RALYL: variants seen among roughly 807,000 people sequenced by gnomAD.
The protein encoded by RALYL is RALY RNA binding protein like, also known as RNA-binding Raly-like protein.
Under a neutral mutation model 35.1 loss-of-function variants are expected in RALYL, and 29 were observed. That is an observed-to-expected ratio of 0.83 (90% CI 0.61 to 1.13). The LOEUF is 1.13. Among genes scored for constraint, RALYL ranks in the 50% most tolerant of loss-of-function variants. The pLI is 0.00. For missense variants in RALYL, 359 were observed against 360.4 expected (o/e 1.00, Z 0.03); for synonymous variants, 120 against 127.6 (o/e 0.94, Z 0.40).
chr8:84,675,532 T>C (rs1564353335), intron 2 of RALYL, among the ~76,000 whole-genome samples: 1 of 152,318 alleles, frequency 6.6e-6, no homozygotes, highest in East Asian at 1.9e-4. Flanking sequence ...AACTGAATTA[T>C]AAAATGAAAT....
chr8:84,868,478 A>C (rs2217128), intron 6 of RALYL, among the ~76,000 whole-genome samples: 78,903 of 151,980 alleles, frequency 0.52, 21,892 homozygotes, highest in East Asian at 0.74. Context: ...GAGGCTGAAC[A>C]ACTATGCCCA....
intron 2 of RALYL, among the ~76,000 whole-genome samples, chr8:84,614,390 C>T (rs1818972558): frequency 6.6e-6 from 1 of 151,646 alleles, no homozygotes; most frequent in Non-Finnish European, 1.5e-5. Flanking sequence ...CTTGAGATTG[C>T]TTTTCAGAAT....
intron 1 of RALYL, among the ~76,000 whole-genome samples, chr8:84,507,439 C>T (rs1471333342): frequency 1.3e-5 from 2 of 151,906 alleles, no homozygotes; most frequent in Non-Finnish European, 2.9e-5. Context: ...AATTGTGGTT[C>T]GGTGAGATAA....
At chr8:84,537,091 A>T (rs1232542428) in intron 2 of RALYL, among the ~76,000 whole-genome samples, 1 of 151,282 alleles carries the variant, frequency 6.6e-6, no homozygotes, top group Non-Finnish European at 1.5e-5. Flanking sequence ...TGTTTTAAAA[A>T]CTCTATTCAG....
At chr8:84,495,474 T>G (rs2055894895) in intron 1 of RALYL, among the ~76,000 whole-genome samples, 1 of 152,084 alleles carries the variant, frequency 6.6e-6, no homozygotes, top group African/African-American at 2.4e-5. Flanking sequence ...TTTCTCAATT[T>G]ATATTTTAAA....
At chr8:84,649,318 C>T (rs1336713616) in intron 2 of RALYL, among the ~76,000 whole-genome samples, 1 of 151,972 alleles carries the variant, frequency 6.6e-6, no homozygotes, top group African/African-American at 2.4e-5. Context: ...GCTTTTGTTG[C>T]CATTGCTTTT....
Position 84,876,332 on chromosome 8 carries a change from T to C in RALYL, c.685+2935T>C, listed in dbSNP as rs1320956153. Among the ~76,000 whole-genome samples the C allele has an allele frequency of 2.6e-5, 4 of 152,358 alleles. No individual in the cohort carries two copies. The South Asian group carries it at 6.2e-4, about 24-fold the overall frequency. On this transcript the variant is annotated intron_variant, in intron 7 of 8. Coordinates refer to ENST00000521268, the MANE Select transcript of RALYL (RefSeq NM_173848.7). ...AACTATGATTACTGTGAATCCACCA[T>C]GCATGTATTATTTTTTCCATTACAT...
intron 2 of RALYL, among the ~76,000 whole-genome samples, chr8:84,613,500 G>A (rs1378284705): frequency 6.6e-6 from 1 of 151,386 alleles, no homozygotes; most frequent in Admixed American, 6.6e-5. Flanking sequence ...GTAACTAACT[G>A]CATCCTCTTA....
intron 1 of RALYL, among the ~76,000 whole-genome samples, chr8:84,482,346 C>G (rs1313509554): frequency 6.6e-6 from 1 of 152,040 alleles, no homozygotes. Flanking sequence ...CTTTGCTGAT[C>G]TGGTTATAGT....
chr8:84,548,818 T>C (rs758605107), intron 2 of RALYL, among the ~76,000 whole-genome samples: 1 of 152,186 alleles, frequency 6.6e-6, no homozygotes, highest in Non-Finnish European at 1.5e-5. Context: ...CTAATTTGCT[T>C]TCTGTTCAAC....
intron 4 of RALYL, among the ~76,000 whole-genome samples, chr8:84,834,409 G>C (rs1423773627): frequency 6.6e-6 from 1 of 152,242 alleles, no homozygotes; most frequent in Non-Finnish European, 1.5e-5. Flanking sequence ...CTTGAGGTCA[G>C]AGAAGTCTAT....
chr8:84,688,625 G>GA (rs1272855255), intron 2 of RALYL, among the ~76,000 whole-genome samples: 1 of 151,824 alleles, frequency 6.6e-6, no homozygotes, highest in African/African-American at 2.4e-5. Flanking sequence ...AAAACTAGTA[G>GA]AAAAAAACAT....
intron 1 of RALYL, among the ~76,000 whole-genome samples, chr8:84,336,371 C>A (rs1847807072): frequency 6.6e-6 from 1 of 151,726 alleles, no homozygotes; most frequent in South Asian, 2.1e-4. Flanking sequence ...TTTCATTTTT[C>A]TTTCTTCCAA....
At chr8:84,557,501 G>A (rs139300458) in intron 2 of RALYL, among the ~76,000 whole-genome samples, 125 of 152,220 alleles carry the variant, frequency 8.2e-4, no homozygotes, top group African/African-American at 2.3e-3. Context: ...ACTTTATATC[G>A]CAATCTGAAA....
chr8:84,278,033 G>A (rs1321283550), intron 1 of RALYL, among the ~76,000 whole-genome samples: 1 of 152,218 alleles, frequency 6.6e-6, no homozygotes, highest in Admixed American at 6.5e-5. Context: ...CCCTGTTGGA[G>A]GGCTCCAACC....
chr8:84,297,781 C>T (rs112499235), intron 1 of RALYL, among the ~76,000 whole-genome samples: 3,424 of 152,172 alleles, frequency 0.023, 126 homozygotes, highest in African/African-American at 0.077. Flanking sequence ...TTTTGATTTG[C>T]ATTTCTCTAA....
At chr8:84,508,245 T>TC (rs2057334828) in intron 1 of RALYL, among the ~76,000 whole-genome samples, 2 of 152,048 alleles carry the variant, frequency 1.3e-5, no homozygotes, top group Non-Finnish European at 2.9e-5. Context: ...TAAACACTCA[T>TC]CCCCCTCAAG....
chr8:84,654,904 A>G (rs1254925917), intron 2 of RALYL, among the ~76,000 whole-genome samples: 2 of 151,924 alleles, frequency 1.3e-5, no homozygotes, highest in African/African-American at 2.4e-5. Context: ...GAATACAGCT[A>G]TCTCTTCGAT....
Position 84,862,334 on chromosome 8 carries a change from G to C in RALYL, c.452G>C (p.Arg151Pro). Residue 151 changes from arginine to proline, a missense_variant, in exon 6 of 9, where the codon CGT becomes CCT. Coordinates refer to ENST00000521268, the MANE Select transcript of RALYL (RefSeq NM_173848.7). ...DYHGRVPPPP[R>P]AVIPLKRPRV... ...CACGGGCGTGTGCCTCCACCTCCCC[G>C]TGCAGTAATTCCGCTGAAGCGTCCC... The C allele has an allele frequency of 6.3e-7, 1 of 1,599,638 alleles. No homozygotes were observed. Among genetic ancestry groups the C allele is most frequent in the Non-Finnish European group, 8.5e-7 (1 of 1,173,592 alleles).
Sources: allele counts gnomAD v4.1 joint callset (sites outside exome capture counted in the v4.1 genomes callset), GRCh38; gene constraint gnomAD v4.1.1; transcripts MANE v1.5; gene names NCBI Gene and HGNC (gene_info 2026-07-23, HGNC 2026-07-21).